Variants in DENND2D observed in about 807,000 individuals in gnomAD.
DENND2D encodes DENN domain containing 2D, also known as DENN domain-containing protein 2D.
A neutral mutation model predicts 59.8 loss-of-function variants in DENND2D; 37 were observed. The ratio of observed to expected loss-of-function variants is 0.62; its 90% CI spans 0.48 to 0.81. The LOEUF is 0.81. Among genes scored for constraint, DENND2D ranks in the 40% least tolerant of loss-of-function variants. DENND2D has a pLI of 0.00. For missense variants in DENND2D, 525 were observed against 579.7 expected (o/e 0.91, Z 0.97); for synonymous variants, 219 against 211.3 (o/e 1.04, Z -0.31).
upstream of DENND2D, chr1:111,204,533 C>A (rs1557970781): frequency 2.4e-5 from 14 of 594,656 alleles, no homozygotes; most frequent in African/African-American, 3.9e-5. Context: ...TGGGCGGGCC[C>A]GCTCTGCCCT....
intron 4 of DENND2D, 120 bp downstream of exon 4, chr1:111,197,800 G>GA (rs1658389678): frequency 1.3e-6 from 2 of 1,521,774 alleles, no homozygotes; most frequent in African/African-American, 2.8e-5. Flanking sequence ...CCTGGGCTGT[G>GA]CTTTTTCTAC....
chr1:111,193,049 C>A (rs1251055811), intron 7 of DENND2D, among the ~76,000 whole-genome samples: 1 of 152,228 alleles, frequency 6.6e-6, no homozygotes, highest in African/African-American at 2.4e-5. Flanking sequence ...TTGGACCCTA[C>A]TCCTCTCGCC....
intron 6 of DENND2D, chr1:111,195,055 T>C (rs1658100741): frequency 3.7e-6 from 1 of 270,002 alleles, no homozygotes; most frequent in African/African-American, 2.2e-5. Context: ...ACTGCTCTGC[T>C]CCCTTCATTC....
chr1:111,188,727 A>T lies in DENND2D; in HGVS notation c.1074T>A (p.Leu358=). 2 of 1,614,106 alleles carry T rather than the reference A, an allele frequency of 1.2e-6. No individual in the cohort carries two copies. The change falls in exon 10 of 12, where the codon CTT becomes CTA. Residue 358 remains leucine, a synonymous_variant. Transcript: ENST00000357640. ...TCTTTAACTCATTGATCCCCTGACC[A>T]AGAGAGTCTAAGATGTCATCCTGAA... ...PKLQDDILDS[L]GQGINELKTA... is the part of the protein sequence containing the mutation.
At position 111,197,186 on chromosome 1, in the gene DENND2D, AAGCCGAAGCAGCCGATGC is replaced by A; in HGVS notation, c.476_493del (p.Cys159_Gly164del). The A allele has an allele frequency of 6.2e-7, 1 of 1,613,534 alleles. No individual in the cohort carries two copies. Among genetic ancestry groups the A allele is most frequent in the South Asian group, 1.1e-5 (1 of 90,922 alleles). On this transcript the variant is annotated inframe_deletion, in exon 5 of 12. Transcript: ENST00000357640. The stretch of plus-strand genomic sequence containing the variant: ...GAATCCTATCCCTACCTTGGAGAAC[AAGCCGAAGCAGCCGATGC>A]AGCTGATGATGCAGTACACTTTGGG...
At chr1:111,190,636 A>G (rs980878212) in intron 8 of DENND2D, among the ~76,000 whole-genome samples, 4 of 152,218 alleles carry the variant, frequency 2.6e-5, no homozygotes, top group Non-Finnish European at 5.9e-5. Context: ...CCACCAGTTT[A>G]CCGTAACTTC....
chr1:111,190,755 C>T (rs1657693435), intron 8 of DENND2D, among the ~76,000 whole-genome samples: 1 of 152,162 alleles, frequency 6.6e-6, no homozygotes, highest in South Asian at 2.1e-4. Flanking sequence ...CTTCCAAATA[C>T]AAGGAGAGAG....
At chr1:111,192,459 T>C (rs1657872319) in intron 7 of DENND2D, 142 bp from the exon 8 acceptor site, 1 of 860,354 alleles carries the variant, frequency 1.2e-6, no homozygotes, top group Non-Finnish European at 1.6e-6. Flanking sequence ...GCCATGCTGG[T>C]CACAGAGCTT....
Position 111,189,242 on chromosome 1 carries a change from G to T in DENND2D, c.984C>A (p.Val328=). 1 of 1,614,146 alleles carries T rather than the reference G, an allele frequency of 6.2e-7. No individual in the cohort carries two copies. Among genetic ancestry groups the T allele is most frequent in the Non-Finnish European group, 8.5e-7 (1 of 1,180,018 alleles). ...MDSPMEEVLL[V]NLCEGTFLMS... Reference sequence around the variant, plus strand: ...TTAAGAAGGTTCCTTCACAAAGATTGACCAGCAGGACCTGAAATAAACATA... The same window carrying T: ...TTAAGAAGGTTCCTTCACAAAGATTTACCAGCAGGACCTGAAATAAACATA... The change falls in exon 9 of 12, where the codon GTC becomes GTA. Residue 328 remains valine (V), a synonymous_variant. Coordinates refer to ENST00000357640, the MANE Select transcript of DENND2D (RefSeq NM_024901.5).
upstream of DENND2D, among the ~76,000 whole-genome samples, chr1:111,203,004 G>GC (rs756856492): frequency 6.6e-6 from 1 of 152,188 alleles, no homozygotes; most frequent in African/African-American, 2.4e-5. Flanking sequence ...ATGTCCCAGG[G>GC]TCTGGGAAGA....
chr1:111,197,255 T>A lies in DENND2D; in HGVS notation c.427-2A>T. The A allele has an allele frequency of 6.2e-7, 1 of 1,611,740 alleles. No homozygotes were observed. Among genetic ancestry groups the A allele is most frequent in the Non-Finnish European group, 8.5e-7 (1 of 1,179,350 alleles). ...AAGGCGAGGGCCAGGGCCGGCAGGC[T>A]GGGGAGGGACAGAGAGGCTCCTTCA... On this transcript the variant is annotated splice_acceptor_variant, in intron 4 of 11. Coordinates refer to ENST00000357640, the MANE Select transcript of DENND2D (RefSeq NM_024901.5). LOFTEE classifies it high-confidence loss of function.
Position 111,198,758 on chromosome 1 carries a change from A to G in DENND2D, c.244-16T>C. 6.2e-7 allele frequency: 1 copy of G among 1,613,784 alleles called. No homozygotes were observed. The highest frequency in any genetic ancestry group is 8.5e-7 in the Non-Finnish European group (1 of 1,179,772). On this transcript the variant is annotated splice_polypyrimidine_tract_variant and intron_variant, in intron 2 of 11. Transcript: ENST00000357640. Reference sequence around the variant, plus strand: ...GGTTCTCCCGCTATAAGGCAAAGGAAAAGACAAGTGGATGTGAAGCTGGGG... The same window carrying G: ...GGTTCTCCCGCTATAAGGCAAAGGAGAAGACAAGTGGATGTGAAGCTGGGG...
intron 4 of DENND2D, 194 bp downstream of exon 4, chr1:111,197,726 G>GA: frequency 7.0e-7 from 1 of 1,423,800 alleles, no homozygotes; most frequent in Admixed American, 2.9e-5. Context: ...CCAGCAGCGG[G>GA]AGAAGGGGCA....
rs544578307 is a variant in DENND2D, at chr1:111,188,180, G to A, written c.1290C>T (p.Leu430=). The A allele has an allele frequency of 1.6e-5, 26 of 1,614,170 alleles. No individual in the cohort carries two copies. The African/African-American group carries it at 1.9e-4, about 12-fold the overall frequency. ...CGGCTTCCTGGATGAAAAGTGAGAA[G>A]AGCTGTGTCTTCACAAACTTCTTCA... is the stretch of plus-strand genomic sequence containing the variant. ...RFVKKFVKTQ[L]FSLFIQEAEK... The change falls in exon 11 of 12, where the codon CTC becomes CTT. Residue 430 remains leucine, a synonymous_variant. Coordinates refer to ENST00000357640, the MANE Select transcript of DENND2D (RefSeq NM_024901.5).
At chr1:111,196,873 G>A (rs1455252056) in intron 5 of DENND2D, 12 of 357,042 alleles carry the variant, frequency 3.4e-5, no homozygotes, top group East Asian at 2.0e-4. Flanking sequence ...ATATCCATTC[G>A]ACGGATGAGG....
chr1:111,197,871 G>T (rs1391192350), intron 4 of DENND2D, 49 bp downstream of exon 4: 2 of 1,612,032 alleles, frequency 1.2e-6, no homozygotes, highest in Non-Finnish European at 1.7e-6. Flanking sequence ...CCCAGCCGTG[G>T]AGCTGAGCAG....
chr1:111,196,153 T>C (rs1658208282), intron 5 of DENND2D, 97 bp from the exon 6 acceptor site: 6 of 1,447,766 alleles, frequency 4.1e-6, no homozygotes, highest in Admixed American at 4.7e-5. Context: ...AATGTTCTCA[T>C]ACTGGTTCAG....
intron 4 of DENND2D, chr1:111,197,646 C>T: frequency 7.3e-7 from 1 of 1,374,782 alleles, no homozygotes; most frequent in East Asian, 2.8e-5. Flanking sequence ...GGTAAGCAGG[C>T]CTGGATAGAG....
intron 9 of DENND2D, 45 bp downstream of exon 9, chr1:111,189,167 A>G: frequency 6.3e-7 from 1 of 1,598,996 alleles, no homozygotes; most frequent in Non-Finnish European, 8.6e-7. Flanking sequence ...CTAGAGTGGT[A>G]GAGTTGTTGA....
Sources: gnomAD v4.1 joint callset for allele counts (sites outside exome capture counted in the v4.1 genomes callset) on GRCh38, gnomAD v4.1.1 for gene constraint, MANE v1.5 for transcripts, NCBI Gene and HGNC (gene_info 2026-07-23, HGNC 2026-07-21) for gene names.